The following MYH13 variants were observed in gnomAD, a reference collection of about 807,000 sequenced individuals.
The protein encoded by MYH13 is myosin heavy chain 13.
A neutral mutation model predicts 232.1 loss-of-function variants in MYH13; 177 were observed. The ratio of observed to expected loss-of-function variants is 0.76; its 90% confidence interval spans 0.67 to 0.86. The LOEUF is 0.86. Ranked by LOEUF, MYH13 falls within the 40% of genes least tolerant of loss-of-function variation. The probability of loss-of-function intolerance (pLI) is 0.00; values close to 1 mark genes in which losing one functional copy is unlikely to be tolerated. For missense variants in MYH13, 2,246 were observed against 2,405.9 expected (o/e 0.93, Z 1.39); for synonymous variants, 884 against 923.5 (o/e 0.96, Z 0.78).
chr17:10,308,006 A>G (rs919018207), intron 35 of MYH13, among the ~76,000 whole-genome samples: 2 of 152,212 alleles, frequency 1.3e-5, no homozygotes, highest in Admixed American at 6.5e-5. Context: ...CTTTTCTGTC[A>G]TTAAAAATCA....
In MYH13 at chr17:10,366,381, G is replaced by GTTTTTTTTTTTTTTTTTTTTT. The variant is rs56798899; in HGVS notation, c.-12-1840_-12-1839insAAAAAAAAAAAAAAAAAAAAA. ...CATATCTCTCTTAAGAAATAAATCT[G>GTTTTTTTTTTTTTTTTTTTTT]TTTTTTTTTTTTTTTTTGAGATGGA... On this transcript the variant is annotated intron_variant, in intron 2 of 40. Transcript: ENST00000252172. Among the ~76,000 whole-genome samples, 71 of 112,620 alleles carry GTTTTTTTTTTTTTTTTTTTTT rather than the reference G, an allele frequency of 6.3e-4. 4 individuals are homozygous for GTTTTTTTTTTTTTTTTTTTTT. The highest frequency in any genetic ancestry group is 1.1e-3 in the Non-Finnish European group (57 of 53,106). 73.9% of individuals were successfully genotyped at this position (112,620 alleles called of 152,430 possible). A position where few individuals can be genotyped will look rare whatever the true frequency, so the allele number is the denominator to read the frequency against.
At chr17:10,314,844 C>T (rs1308726522) in intron 29 of MYH13, among the ~76,000 whole-genome samples, 2 of 152,204 alleles carry the variant, frequency 1.3e-5, no homozygotes, top group Non-Finnish European at 2.9e-5. Flanking sequence ...TATTCTTGCC[C>T]TCCATGAGTT....
At chr17:10,356,032 G>A (rs2071747129) in intron 8 of MYH13, among the ~76,000 whole-genome samples, 1 of 151,896 alleles carries the variant, frequency 6.6e-6, no homozygotes, top group Admixed American at 6.6e-5. Context: ...CTGGGGAGTG[G>A]GAGGTAAAAT....
rs1269009319 is a variant in MYH13 at position 10,332,142 on chromosome 17, G to A, written c.2255C>T (p.Ser752Phe). 1 of 1,614,034 alleles carries A rather than the reference G, an allele frequency of 6.2e-7. No homozygotes were observed. The highest frequency in any genetic ancestry group is 2.2e-5 in the East Asian group (1 of 44,884). Residue 752 changes from serine to phenylalanine, a missense_variant, in exon 20 of 41, where the codon TCC (serine) becomes TTC (phenylalanine). Transcript: ENST00000252172. ...GAACTGCTCCCGGTCCACATCGATG[G>A]AGTTGAGGAGCTTCTCTGAGGCATT... ...SKNASEKLLN[S>F]IDVDREQFRF...
chr17:10,331,156 G>A (rs1227987148), intron 20 of MYH13, among the ~76,000 whole-genome samples: 1 of 152,146 alleles, frequency 6.6e-6, no homozygotes, highest in Non-Finnish European at 1.5e-5. Context: ...ACCATGGGAC[G>A]CAATTGTGCC....
chr17:10,318,846 G>C lies in MYH13; in HGVS notation c.3682C>G (p.Leu1228Val). 3.1e-6 allele frequency: 5 copies of C among 1,614,072 alleles called. No individual in the cohort carries two copies. Among genetic ancestry groups the C allele is most frequent in the Non-Finnish European group, 4.2e-6 (5 of 1,180,030 alleles). ...KQKLEKEKSE[L>V]KMEIDDMASN... ...GCCATGTCGTCAATCTCCATCTTCA[G>C]CTCGCTCTTCTCCTTCTCCAGCTTC... is the stretch of plus-strand genomic sequence containing the variant. The change falls in exon 27 of 41, where the codon CTG (leucine) becomes GTG (valine). Residue 1228 changes from leucine to valine, a missense_variant. Transcript: ENST00000252172.
chr17:10,333,356 T>A (rs1028596796), intron 18 of MYH13, among the ~76,000 whole-genome samples, 165 bp from the exon 19 acceptor site: 2 of 152,178 alleles, frequency 1.3e-5, no homozygotes, highest in Non-Finnish European at 2.9e-5. Context: ...GGCTAGAGCC[T>A]GCCTGCAGGT....
chr17:10,364,349 A>C lies in MYH13; in HGVS notation c.182T>G (p.Ile61Arg), dbSNP rs376720984. ...CACCCGGTCATCGAGGGTCTTGACTATGACTTTGTCATTTTCCCTAGTCTG... is the reference window on the plus strand; with the variant it reads ...CACCCGGTCATCGAGGGTCTTGACTCTGACTTTGTCATTTTCCCTAGTCTG... ...MIQTRENDKV[I>R]VKTLDDRMLT... The change falls in exon 3 of 41, where the codon ATA becomes AGA. Residue 61 changes from isoleucine (I) to arginine (R), a missense_variant. Transcript: ENST00000252172. 6.2e-7 allele frequency: 1 copy of C among 1,613,818 alleles called. No homozygotes were observed.
At chr17:10,372,407 T>C (rs2142155844) in intron 1 of MYH13, among the ~76,000 whole-genome samples, 1 of 152,292 alleles carries the variant, frequency 6.6e-6, no homozygotes, top group East Asian at 1.9e-4. Flanking sequence ...CACAAATCTC[T>C]GAGGGATGCT....
intron 24 of MYH13, 48 bp downstream of exon 24, chr17:10,321,484 G>T (rs1351043952): frequency 6.4e-7 from 1 of 1,552,354 alleles, no homozygotes. Flanking sequence ...TCTTGTCTGT[G>T]CTTCCACAAG....
At chr17:10,302,539 A>G (rs1234112501) in intron 39 of MYH13, among the ~76,000 whole-genome samples, 3 of 152,118 alleles carry the variant, frequency 2.0e-5, no homozygotes, top group Admixed American at 6.5e-5. Context: ...TTTAACTCAG[A>G]TTTTCCCAAA....
At chr17:10,357,633 A>T (rs901860713) in intron 8 of MYH13, 102 bp downstream of exon 8, 4 of 964,196 alleles carry the variant, frequency 4.1e-6, no homozygotes. Flanking sequence ...GGGTAGAAAA[A>T]GGCCCCCATA....
At chr17:10,362,004 G>T in intron 5 of MYH13, 114 bp downstream of exon 5, 1 of 1,588,726 alleles carries the variant, frequency 6.3e-7, no homozygotes, top group South Asian at 1.1e-5. Context: ...CAAATCATCT[G>T]ACTCTCCGAA....
At chr17:10,330,634 C>T (rs1567663888) in intron 20 of MYH13, 111 bp from the exon 21 acceptor site, 4 of 1,400,140 alleles carry the variant, frequency 2.9e-6, no homozygotes, top group South Asian at 1.4e-5. Context: ...CAGAGCACGG[C>T]AGGGGCAGCA....
chr17:10,326,618 G>A (rs900161363), intron 22 of MYH13, among the ~76,000 whole-genome samples: 1 of 149,590 alleles, frequency 6.7e-6, no homozygotes, highest in African/African-American at 2.5e-5. Flanking sequence ...CTACCAGCGT[G>A]TGCCACCACA....
At chr17:10,319,224 C>A (rs751456201) in intron 26 of MYH13, 45 bp from the exon 27 acceptor site, 5 of 1,572,260 alleles carry the variant, frequency 3.2e-6, no homozygotes, top group South Asian at 2.4e-5. Flanking sequence ...GAGGAGGGGG[C>A]AGCCCCCTTT....
chr17:10,338,689 G>GTTTTTTTTTTTTTTTTTTTTT (rs757791680), intron 18 of MYH13, among the ~76,000 whole-genome samples: 1 of 108,814 alleles, frequency 9.2e-6, no homozygotes. Context: ...TTTTATCCTT[G>GTTTTTTTTTTTTTTTTTTTTT]TTTTTTTTTT....
intron 40 of MYH13, among the ~76,000 whole-genome samples, chr17:10,301,362 G>A (rs1266909309): frequency 6.6e-6 from 1 of 152,140 alleles, no homozygotes; most frequent in Non-Finnish European, 1.5e-5. Context: ...ACTCCCCCGG[G>A]GCTTGGGATT....
chr17:10,311,103 C>A lies in MYH13; in HGVS notation c.4656G>T (p.Glu1552Asp), dbSNP rs1906494182. ...TGAATGTCATATCCTAGACACTTAC[C>A]TCCACTTCTTCTAAGGCGACCTGCA... ...SDLQVALEEV[E>D]GSLEHEESKI... The change falls in exon 33 of 41, where the codon GAG (glutamate) becomes GAT (aspartate). Residue 1552 changes from glutamate (E) to aspartate (D), a missense_variant and splice_region_variant. Transcript: ENST00000252172. 1.2e-6 allele frequency: 2 copies of A among 1,613,916 alleles called. No individual in the cohort carries two copies. Among genetic ancestry groups the A allele is most frequent in the Middle Eastern group, 1.7e-4 (1 of 6,060 alleles).
Sources: gnomAD v4.1 joint callset for allele counts (sites outside exome capture counted in the v4.1 genomes callset) on GRCh38, gnomAD v4.1.1 for gene constraint, MANE v1.5 for transcripts, NCBI Gene and HGNC (gene_info 2026-07-23, HGNC 2026-07-21) for gene names.